Variants in BBOX1 observed in about 807,000 individuals in gnomAD.
BBOX1 encodes the protein gamma-butyrobetaine hydroxylase 1.
In BBOX1, 35 loss-of-function variants were observed where a neutral mutation model predicts 41.6. The observed-to-expected ratio is 0.84, with a 90% confidence interval of 0.64 to 1.11. The LOEUF (loss-of-function observed/expected upper bound fraction) is 1.11. Among genes scored for constraint, BBOX1 ranks in the 50% most tolerant of loss-of-function variants. The probability of loss-of-function intolerance (pLI) is 0.00; values close to 1 mark genes in which losing one functional copy is unlikely to be tolerated. For synonymous variants in BBOX1, 163 were observed against 154.7 expected, an observed-to-expected ratio of 1.05 and a Z score of -0.40; for missense variants, 458 against 460.6, an observed-to-expected ratio of 0.99 and a Z score of 0.05.
chr11:27,075,477 G>A (rs998671556), intron 4 of BBOX1, among the ~76,000 whole-genome samples: 9 of 152,010 alleles, frequency 5.9e-5, no homozygotes, highest in African/African-American at 1.9e-4. Flanking sequence ...CCCAATCATC[G>A]GCAGAGGTCC....
intron 3 of BBOX1, among the ~76,000 whole-genome samples, chr11:27,056,270 A>T (rs1856976700): frequency 6.6e-6 from 1 of 151,872 alleles, no homozygotes. Flanking sequence ...TTATTTATTT[A>T]TTTTTGAGAT....
At chr11:27,072,052 G>A (rs532064809) in intron 4 of BBOX1, among the ~76,000 whole-genome samples, 1 of 152,296 alleles carries the variant, frequency 6.6e-6, no homozygotes, top group East Asian at 1.9e-4. Flanking sequence ...ATTCAACATA[G>A]TGTTGGAAGT....
chr11:27,127,603 T>C lies in BBOX1; in HGVS notation c.*150T>C, dbSNP rs906748748. The C allele has an allele frequency of 4.4e-6, 4 of 902,106 alleles. No individual in the cohort carries two copies. In the African/African-American group the frequency reaches 6.8e-5, roughly 15 times the overall value. 55.9% of individuals were successfully genotyped at this position (902,106 alleles called of 1,614,324 possible). On this transcript the variant is annotated 3_prime_UTR_variant, in exon 9 of 9. Coordinates refer to ENST00000263182, the MANE Select transcript of BBOX1 (RefSeq NM_003986.3). ...TCTCACAAGAGTACTCTTTACTTTG[T>C]AATCATATACAATGTCAACTTTTTA... is the stretch of plus-strand genomic sequence containing the variant.
At chr11:27,081,205 T>C (rs1409895909) in intron 4 of BBOX1, among the ~76,000 whole-genome samples, 1 of 152,150 alleles carries the variant, frequency 6.6e-6, no homozygotes, top group African/African-American at 2.4e-5. Context: ...AGAAATAAAG[T>C]ACATGAATCC....
chr11:27,047,470 T>C (rs984334907), intron 2 of BBOX1, among the ~76,000 whole-genome samples: 3 of 152,202 alleles, frequency 2.0e-5, no homozygotes, highest in African/African-American at 7.2e-5. Context: ...GGAACCATGT[T>C]CCTCATGGTA....
chr11:27,118,711 T>C (rs954084625), intron 6 of BBOX1, among the ~76,000 whole-genome samples: 2 of 152,066 alleles, frequency 1.3e-5, no homozygotes, highest in Admixed American at 1.3e-4. Flanking sequence ...TTTTTTCTAT[T>C]TGAAGATTGT....
At chr11:27,109,047 G>C (rs1251940768) in intron 5 of BBOX1, among the ~76,000 whole-genome samples, 1 of 152,042 alleles carries the variant, frequency 6.6e-6, no homozygotes, top group Non-Finnish European at 1.5e-5. Context: ...AAAAGTATTT[G>C]TTGTACTCTA....
chr11:27,114,403 T>C (rs889177459), intron 5 of BBOX1, among the ~76,000 whole-genome samples: 3 of 151,846 alleles, frequency 2.0e-5, no homozygotes, highest in Non-Finnish European at 4.4e-5. Context: ...CAGTATCAAA[T>C]TTATATGAAA....
intron 5 of BBOX1, among the ~76,000 whole-genome samples, chr11:27,093,921 G>C (rs1393173467): frequency 6.6e-6 from 1 of 151,914 alleles, no homozygotes; most frequent in Non-Finnish European, 1.5e-5. Context: ...TATGAATTTG[G>C]GGGGACATAA....
At chr11:27,114,871 G>A (rs1244701387) in intron 5 of BBOX1, among the ~76,000 whole-genome samples, 1 of 151,866 alleles carries the variant, frequency 6.6e-6, no homozygotes, top group Non-Finnish European at 1.5e-5. Context: ...TTAAAAGCAT[G>A]AGCTTACTAT....
chr11:27,049,360 A>G (rs1297488875), intron 2 of BBOX1, among the ~76,000 whole-genome samples: 2 of 152,000 alleles, frequency 1.3e-5, no homozygotes, highest in East Asian at 1.9e-4. Context: ...CTGGCCATTT[A>G]TATGTCTTCT....
chr11:27,111,243 C>T (rs559933422), intron 5 of BBOX1, among the ~76,000 whole-genome samples: 14 of 151,890 alleles, frequency 9.2e-5, no homozygotes, highest in African/African-American at 3.4e-4. Context: ...CAAATTAATA[C>T]CTGAACAGAA....
chr11:27,114,252 G>A (rs1269468948), intron 5 of BBOX1, among the ~76,000 whole-genome samples: 1 of 151,772 alleles, frequency 6.6e-6, no homozygotes, highest in Non-Finnish European at 1.5e-5. Context: ...AGAAGTTAAA[G>A]AAAACCTAAA....
intron 5 of BBOX1, among the ~76,000 whole-genome samples, chr11:27,106,748 C>A (rs1219607511): frequency 2.8e-5 from 1 of 35,546 alleles, no homozygotes; most frequent in African/African-American, 1.2e-4. Flanking sequence ...TAATAGACAT[C>A]TACAGAACTC....
In BBOX1 at chr11:27,043,179, T is replaced by G. The variant is rs558396594; in HGVS notation, c.-39+1701T>G. Among the ~76,000 whole-genome samples, 7 of 152,254 alleles carry G rather than the reference T, an allele frequency of 4.6e-5. No individual in the cohort carries two copies. The South Asian group carries it at 1.2e-3, about 27-fold the overall frequency. On this transcript the variant is annotated intron_variant, in intron 2 of 8. Transcript: ENST00000263182. ...CCCGGGTTCACGCCATTCTCCTGCC[T>G]CAGCCTCCTGAGTAGCTGGGACTAC...
intron 5 of BBOX1, among the ~76,000 whole-genome samples, chr11:27,113,980 G>A (rs1010987794): frequency 2.0e-5 from 3 of 151,628 alleles, no homozygotes; most frequent in Non-Finnish European, 4.4e-5. Flanking sequence ...ATTCACAGAT[G>A]GTATGATCTT....
intron 2 of BBOX1, among the ~76,000 whole-genome samples, chr11:27,043,303 T>G (rs1851392719): frequency 1.3e-5 from 2 of 152,124 alleles, no homozygotes; most frequent in African/African-American, 4.8e-5. Flanking sequence ...GACCTCGTGA[T>G]CCACCCACCT....
chr11:27,122,980 A>C (rs1318577794), intron 7 of BBOX1, among the ~76,000 whole-genome samples: 1 of 152,088 alleles, frequency 6.6e-6, no homozygotes, highest in African/African-American at 2.4e-5. Flanking sequence ...CTGTTCTGTT[A>C]TAAGGCATCA....
chr11:27,116,325 G>T lies in BBOX1; in HGVS notation c.639+768G>T, dbSNP rs553979424. ...ATCACACACTGGGGCCTGTTGGGGG[G>T]GTTGGGAGGATAGGGGAGGGATAGC... is the stretch of plus-strand genomic sequence containing the variant. On this transcript the variant is annotated intron_variant, in intron 6 of 8. Transcript: ENST00000263182. Among the ~76,000 whole-genome samples, 21 of 151,882 alleles carry T rather than the reference G, an allele frequency of 1.4e-4. No individual in the cohort carries two copies. The South Asian group carries it at 2.1e-3, about 15-fold the overall frequency.
Sources: allele counts gnomAD v4.1 joint callset (sites outside exome capture counted in the v4.1 genomes callset), GRCh38; gene constraint gnomAD v4.1.1; transcripts MANE v1.5; gene names NCBI Gene and HGNC (gene_info 2026-07-23, HGNC 2026-07-21).